PPP6R3: variants seen among roughly 807,000 people sequenced by gnomAD.
The protein encoded by PPP6R3 is protein phosphatase 6 regulatory subunit 3.
A neutral mutation model predicts 110.7 loss-of-function variants in PPP6R3; 38 were observed. The ratio of observed to expected loss-of-function variants is 0.34; its 90% CI spans 0.26 to 0.45. The LOEUF is 0.45. PPP6R3 is among the 20% of genes least tolerant of loss of function. The probability of loss-of-function intolerance (pLI) is 1.00; values close to 1 mark genes in which losing one functional copy is unlikely to be tolerated. For missense variants in PPP6R3, 870 were observed against 1,062.4 expected (o/e 0.82, Z 2.52); for synonymous variants, 369 against 373.5 (o/e 0.99, Z 0.14).
chr11:68,482,552 T>TAGTA (rs1219813828), intron 1 of PPP6R3, among the ~76,000 whole-genome samples: 1 of 152,172 alleles, frequency 6.6e-6, no homozygotes, highest in African/African-American at 2.4e-5. Flanking sequence ...TGTTAATGAA[T>TAGTA]AGTAGCCTAT....
chr11:68,593,719 A>G (rs2099602699), intron 18 of PPP6R3, among the ~76,000 whole-genome samples: 1 of 152,234 alleles, frequency 6.6e-6, no homozygotes, highest in Non-Finnish European at 1.5e-5. Context: ...AGACACCCTC[A>G]TTTAAAAGAC....
intron 14 of PPP6R3, among the ~76,000 whole-genome samples, chr11:68,577,899 G>A (rs1175594435): frequency 6.6e-6 from 1 of 152,156 alleles, no homozygotes; most frequent in Non-Finnish European, 1.5e-5. Context: ...GGCTTATAAA[G>A]CAAAAGTGGT....
At chr11:68,556,014 G>T (rs575441897) in intron 7 of PPP6R3, among the ~76,000 whole-genome samples, 1 of 152,100 alleles carries the variant, frequency 6.6e-6, no homozygotes, top group African/African-American at 2.4e-5. Context: ...AATCATAATA[G>T]CATCTGTATA....
At chr11:68,533,344 A>G (rs189359576) in intron 2 of PPP6R3, among the ~76,000 whole-genome samples, 8 of 152,306 alleles carry the variant, frequency 5.3e-5, no homozygotes, top group East Asian at 3.9e-4. Context: ...ATACAAAGAA[A>G]ACTCACCATT....
Position 68,613,260 on chromosome 11 carries a change from T to G in PPP6R3, c.*143T>G. On this transcript the variant is annotated 3_prime_UTR_variant, in exon 24 of 24. Transcript: ENST00000393800. Reference sequence around the variant, plus strand: ...GGACCAGCAACCTTTATATTCTAGATTCTAAGACATTGTACAGAGAAATTC... The same window carrying G: ...GGACCAGCAACCTTTATATTCTAGAGTCTAAGACATTGTACAGAGAAATTC... 1 of 1,420,888 alleles carries G rather than the reference T, an allele frequency of 7.0e-7. No homozygotes were observed. Among genetic ancestry groups the G allele is most frequent in the East Asian group, 2.6e-5 (1 of 38,300 alleles). The allele number at this position is 1,420,888 out of a possible 1,614,324, so 88.0% of individuals were successfully genotyped here. A position where few individuals can be genotyped will look rare whatever the true frequency, so the allele number is the denominator to read the frequency against.
intron 22 of PPP6R3, among the ~76,000 whole-genome samples, chr11:68,607,927 C>T (rs1489495715): frequency 6.6e-6 from 1 of 151,988 alleles, no homozygotes; most frequent in Non-Finnish European, 1.5e-5. Flanking sequence ...TTGTGTGCCA[C>T]CACTCCTGGC....
intron 23 of PPP6R3, among the ~76,000 whole-genome samples, chr11:68,612,610 CTTTCCTTTCCTTT>C (rs1944114652): frequency 6.6e-6 from 1 of 150,934 alleles, no homozygotes; most frequent in African/African-American, 2.4e-5. Context: ...TGCAAACCTC[CTTTCCTTTCCTTT>C]TTTCCCCCCT....
Position 68,615,161 on chromosome 11 carries a change from C to T in PPP6R3, c.*2044C>T, listed in dbSNP as rs1945031482. On this transcript the variant is annotated 3_prime_UTR_variant, in exon 24 of 24. Coordinates refer to ENST00000393800, the MANE Select transcript of PPP6R3 (RefSeq NM_001164161.2). ...GGATATGACAATGGGGAGGACAGTT[C>T]TTTTGGAGGTTGGAGGGGCCAAGCC... The T allele has an allele frequency of 4.5e-6, 2 of 448,628 alleles. No individual in the cohort carries two copies. The highest frequency in any genetic ancestry group is 9.0e-6 in the Non-Finnish European group (2 of 221,542). 27.8% of individuals were successfully genotyped at this position (448,628 alleles called of 1,614,324 possible).
intron 14 of PPP6R3, among the ~76,000 whole-genome samples, chr11:68,579,558 A>G (rs1482042839): frequency 6.6e-6 from 1 of 152,226 alleles, no homozygotes; most frequent in Non-Finnish European, 1.5e-5. Context: ...AGTGCCTACA[A>G]TGTGCCAGAC....
chr11:68,474,482 T>A (rs1376006450), intron 1 of PPP6R3, among the ~76,000 whole-genome samples: 1 of 152,248 alleles, frequency 6.6e-6, no homozygotes, highest in Non-Finnish European at 1.5e-5. Context: ...TAATGCCTTA[T>A]GATTTATGTG....
Position 68,614,794 on chromosome 11 carries a change from G to A in PPP6R3, c.*1677G>A. 6.6e-7 allele frequency: 1 copy of A among 1,510,746 alleles called. No homozygotes were observed. Among genetic ancestry groups the A allele is most frequent in the Non-Finnish European group, 9.0e-7 (1 of 1,112,648 alleles). 93.6% of individuals were successfully genotyped at this position (1,510,746 alleles called of 1,614,324 possible). ...TGTCCTTGGGCCTCCTCTGGAAGCA[G>A]CACCCCCAGAGGACAGGGCTCCTCC... is the stretch of plus-strand genomic sequence containing the variant. On this transcript the variant is annotated 3_prime_UTR_variant, in exon 24 of 24. Coordinates refer to ENST00000393800, the MANE Select transcript of PPP6R3 (RefSeq NM_001164161.2).
intron 22 of PPP6R3, 129 bp from the exon 23 acceptor site, chr11:68,609,775 C>T: frequency 1.3e-6 from 2 of 1,549,102 alleles, no homozygotes; most frequent in Non-Finnish European, 1.8e-6. Flanking sequence ...CCTGCGCATG[C>T]TCAGTCCCAG....
intron 3 of PPP6R3, among the ~76,000 whole-genome samples, chr11:68,539,089 G>GAT (rs1462230653): frequency 6.6e-6 from 1 of 152,216 alleles, no homozygotes; most frequent in African/African-American, 2.4e-5. Context: ...TCCCCCAAAT[G>GAT]ATAGACACTT....
At chr11:68,588,716 A>G (rs967305539) in intron 16 of PPP6R3, among the ~76,000 whole-genome samples, 2 of 149,132 alleles carry the variant, frequency 1.3e-5, no homozygotes, top group Admixed American at 1.3e-4. Context: ...TAGTGCTGGG[A>G]TTACAGGCGT....
chr11:68,558,494 C>A, intron 7 of PPP6R3, 72 bp from the exon 8 acceptor site: 2 of 912,480 alleles, frequency 2.2e-6, no homozygotes, highest in East Asian at 2.5e-5. Flanking sequence ...TGTCTTGTAC[C>A]GTCGTCTTTT....
chr11:68,468,866 ATTC>A (rs1210216731), intron 1 of PPP6R3, among the ~76,000 whole-genome samples: 2 of 152,230 alleles, frequency 1.3e-5, no homozygotes, highest in East Asian at 1.9e-4. Flanking sequence ...TTTTAAGTTT[ATTC>A]TTTTCTGGCA....
chr11:68,564,737 C>T (rs2099451726), intron 9 of PPP6R3, among the ~76,000 whole-genome samples: 1 of 152,156 alleles, frequency 6.6e-6, no homozygotes, highest in South Asian at 2.1e-4. Flanking sequence ...TCAGGAAAAG[C>T]TAATCTTTCA....
chr11:68,575,308 G>T (rs1398702613), intron 13 of PPP6R3, among the ~76,000 whole-genome samples: 1 of 152,206 alleles, frequency 6.6e-6, no homozygotes, highest in Non-Finnish European at 1.5e-5. Context: ...TTACGTCATG[G>T]TTTGATTTTC....
chr11:68,599,407 T>C (rs2099623803), intron 19 of PPP6R3, among the ~76,000 whole-genome samples: 1 of 152,130 alleles, frequency 6.6e-6, no homozygotes, highest in Non-Finnish European at 1.5e-5. Context: ...GCAGGCAGCA[T>C]AGTAAGAAGA....
Sources: allele counts gnomAD v4.1 joint callset (sites outside exome capture counted in the v4.1 genomes callset), GRCh38; gene constraint gnomAD v4.1.1; transcripts MANE v1.5; gene names NCBI Gene and HGNC (gene_info 2026-07-23, HGNC 2026-07-21).